ATP11C: variants seen among roughly 807,000 people sequenced by gnomAD.
ATP11C encodes ATPase phospholipid transporting 11C (ATP11C blood group).
ATP11C carries 36 observed loss-of-function variants against 97.4 expected under a neutral mutation model. That is an observed-to-expected ratio of 0.37 (90% confidence interval 0.28 to 0.49). ATP11C has a LOEUF of 0.49. ATP11C is among the 20% of genes least tolerant of loss of function. ATP11C has a pLI of 0.98. For synonymous variants in ATP11C, 275 were observed against 290.9 expected (o/e 0.95, Z 0.56); for missense variants, 730 against 824.6 (o/e 0.89, Z 1.40).
chrX:139,882,871 CA>C lies in ATP11C; in HGVS notation c.27+49144del, dbSNP rs547254339. Among the ~76,000 whole-genome samples, 8 of 111,455 alleles carry C rather than the reference CA, an allele frequency of 7.2e-5. 1 individual carries two copies. In the South Asian group the frequency reaches 3.0e-3, roughly 42 times the overall value. ...ATGAAAAATCATGATGGGTTCTAAG[CA>C]CCCCAAGGAGTGGTATGTGCCTGAA... On this transcript the variant is annotated intron_variant, in intron 1 of 29. Coordinates refer to ENST00000682941, the MANE Select transcript of ATP11C (RefSeq NM_001353812.2).
chrX:139,936,299 T>C (rs2085515242), upstream of ATP11C, among the ~76,000 whole-genome samples: 1 of 111,411 alleles, frequency 9.0e-6, no homozygotes, highest in Non-Finnish European at 1.9e-5. Flanking sequence ...AGAAAAAAGA[T>C]TTTGGTTCTT....
At chrX:139,911,895 C>A (rs1391546467) in intron 1 of ATP11C, among the ~76,000 whole-genome samples, 1 of 110,354 alleles carries the variant, frequency 9.1e-6, no homozygotes, top group Non-Finnish European at 1.9e-5. Flanking sequence ...TCTTAGCAGG[C>A]CAGGCACGGT....
chrX:139,830,320 C>T (rs999306148), intron 1 of ATP11C, among the ~76,000 whole-genome samples: 3 of 111,986 alleles, frequency 2.7e-5, no homozygotes, highest in African/African-American at 9.7e-5. Flanking sequence ...AGTGATCGTC[C>T]TTAAATAACA....
intron 13 of ATP11C, 141 bp downstream of exon 13, chrX:139,789,186 G>C: frequency 1.2e-5 from 5 of 424,159 alleles, no homozygotes; most frequent in Non-Finnish European, 1.9e-5. Flanking sequence ...CTGGGCAACA[G>C]AGTGAGACTC....
At chrX:139,876,474 G>A (rs2084476213) in intron 1 of ATP11C, among the ~76,000 whole-genome samples, 1 of 112,119 alleles carries the variant, frequency 8.9e-6, no homozygotes, top group Non-Finnish European at 1.9e-5. Context: ...AGGCACAAGT[G>A]CAGTGCCTGT....
chrX:139,788,370 T>G lies in ATP11C; in HGVS notation c.1369-27A>C, dbSNP rs769175248. ...TGTGGAACAGCAACAAAATAATGAT[T>G]ATTATTTTTAATTTGATCACCCGGT... On this transcript the variant is annotated intron_variant, in intron 13 of 29. Transcript: ENST00000682941. The G allele has an allele frequency of 3.4e-6, 4 of 1,161,937 alleles. No homozygotes were observed. In the Admixed American group the frequency reaches 9.0e-5, roughly 26 times the overall value.
rs767668227 is a variant in ATP11C at position 139,759,417 on chromosome X, A to C, written c.2641-1550T>G. On this transcript the variant is annotated intron_variant, in intron 22 of 29. Coordinates refer to ENST00000682941, the MANE Select transcript of ATP11C (RefSeq NM_001353812.2). ...ACCAAGGCAAGAATGTATATATTTT[A>C]AACTTATATGGTAAGACAGGGTCAC... Among the ~76,000 whole-genome samples the C allele has an allele frequency of 1.2e-4, 13 of 112,522 alleles. No homozygotes were observed. In the East Asian group the frequency reaches 3.6e-3, roughly 31 times the overall value.
intron 1 of ATP11C, among the ~76,000 whole-genome samples, chrX:139,869,932 T>A (rs1230495611): frequency 2.0e-5 from 2 of 100,345 alleles, no homozygotes; most frequent in African/African-American, 7.3e-5. Flanking sequence ...ATACAATGAA[T>A]ACCATTTGGT....
chrX:139,826,947 G>A, intron 1 of ATP11C, 124 bp from the exon 2 acceptor site: 1 of 684,376 alleles, frequency 1.5e-6, no homozygotes, highest in Non-Finnish European at 2.1e-6. Flanking sequence ...AGGGAGAGGA[G>A]AAAACCTTGT....
At chrX:139,797,384 A>C in intron 10 of ATP11C, 58 bp from the exon 11 acceptor site, 1 of 920,484 alleles carries the variant, frequency 1.1e-6, no homozygotes, top group South Asian at 2.6e-5. Flanking sequence ...ATATGAATTA[A>C]ACTACTGAGT....
chrX:139,854,523 T>G (rs754666276), intron 1 of ATP11C, among the ~76,000 whole-genome samples: 6 of 111,363 alleles, frequency 5.4e-5, no homozygotes, highest in Non-Finnish European at 7.5e-5. Context: ...CTGAAATAAC[T>G]GGTTGCTTAA....
At chrX:139,875,869 TAGG>T (rs754138954) in intron 1 of ATP11C, among the ~76,000 whole-genome samples, 1 of 111,804 alleles carries the variant, frequency 8.9e-6, no homozygotes, top group East Asian at 2.8e-4. Context: ...CATACCTTCT[TAGG>T]AGTAGAGCAG....
At chrX:139,871,258 G>C (rs867989103) in intron 1 of ATP11C, among the ~76,000 whole-genome samples, 4 of 106,038 alleles carry the variant, frequency 3.8e-5, no homozygotes, top group Middle Eastern at 4.9e-3. Flanking sequence ...GCCCAGGCTG[G>C]AGTGCAGTGG....
intron 12 of ATP11C, among the ~76,000 whole-genome samples, chrX:139,793,114 G>C (rs2082727604): frequency 9.0e-6 from 1 of 111,681 alleles, no homozygotes; most frequent in Non-Finnish European, 1.9e-5. Context: ...TTCACTGTTT[G>C]TCGGTGAGAG....
intron 4 of ATP11C, among the ~76,000 whole-genome samples, chrX:139,816,332 T>C (rs2083287196): frequency 8.9e-6 from 1 of 111,935 alleles, no homozygotes; most frequent in Admixed American, 9.5e-5. Context: ...CTGCAATTTT[T>C]CAAACATACT....
upstream of ATP11C, among the ~76,000 whole-genome samples, chrX:139,933,777 G>A (rs2085488688): frequency 1.8e-5 from 2 of 112,129 alleles, no homozygotes; most frequent in Non-Finnish European, 3.8e-5. Flanking sequence ...TTACCCTCCG[G>A]AGTTCGGATT....
intron 19 of ATP11C, 92 bp from the exon 20 acceptor site, chrX:139,768,526 C>T: frequency 1.7e-6 from 1 of 601,855 alleles, no homozygotes; most frequent in Non-Finnish European, 2.3e-6. Flanking sequence ...GGGGTGGTCT[C>T]AGATAAGGGG....
At chrX:139,882,402 G>A (rs778513298) in intron 1 of ATP11C, among the ~76,000 whole-genome samples, 6 of 111,311 alleles carry the variant, frequency 5.4e-5, no homozygotes, top group African/African-American at 2.0e-4. Context: ...CAACTACAAG[G>A]AGCACAACTG....
chrX:139,876,717 G>A (rs1035845618), intron 1 of ATP11C, among the ~76,000 whole-genome samples: 1 of 112,195 alleles, frequency 8.9e-6, no homozygotes, highest in Non-Finnish European at 1.9e-5. Flanking sequence ...GAGGACTCCA[G>A]GAGGTAACGA....
Sources: gnomAD v4.1 joint callset for allele counts (sites outside exome capture counted in the v4.1 genomes callset) on GRCh38, gnomAD v4.1.1 for gene constraint, MANE v1.5 for transcripts, NCBI Gene and HGNC (gene_info 2026-07-23, HGNC 2026-07-21) for gene names.